Variants in ATF6 observed in about 807,000 individuals in gnomAD.
The protein encoded by ATF6 is cyclic AMP-dependent transcription factor ATF-6 alpha.
A neutral mutation model predicts 83.6 loss-of-function variants in ATF6; 53 were observed. The ratio of observed to expected loss-of-function variants is 0.63; its 90% CI spans 0.51 to 0.80. The LOEUF is 0.80. Among genes scored for constraint, ATF6 ranks in the 30% least tolerant of loss-of-function variants. ATF6 has a pLI of 0.00. For missense variants in ATF6, 744 were observed against 797.9 expected (o/e 0.93, Z 0.81); for synonymous variants, 288 against 285.8 (o/e 1.01, Z -0.08).
chr1:161,766,500 C>G lies in ATF6; in HGVS notation c.82+58C>G, dbSNP rs1571109121. ...TCGGGTTCGCGTCTAAAGGTTTCTTCCTCCCTACTTCCGCCCACTCGTGGT... is the reference window on the plus strand; with the variant it reads ...TCGGGTTCGCGTCTAAAGGTTTCTTGCTCCCTACTTCCGCCCACTCGTGGT... On this transcript the variant is annotated intron_variant, in intron 1 of 15. Transcript: ENST00000367942. 8 of 1,545,090 alleles carry G rather than the reference C, an allele frequency of 5.2e-6. No homozygotes were observed. The East Asian group carries it at 1.8e-4, about 35-fold the overall frequency.
intron 11 of ATF6, among the ~76,000 whole-genome samples, chr1:161,852,567 T>C (rs1686657116): frequency 6.6e-6 from 1 of 152,196 alleles, no homozygotes; most frequent in African/African-American, 2.4e-5. Context: ...TTTGTGTTTA[T>C]ATAGCCCAAG....
At chr1:161,887,425 A>T (rs938954758) in intron 14 of ATF6, among the ~76,000 whole-genome samples, 2 of 152,194 alleles carry the variant, frequency 1.3e-5, no homozygotes, top group Non-Finnish European at 2.9e-5. Flanking sequence ...TAAGCGGTAA[A>T]TAAAGCCCTT....
chr1:161,798,467 C>A (rs1170900881), intron 6 of ATF6, among the ~76,000 whole-genome samples: 4 of 152,106 alleles, frequency 2.6e-5, no homozygotes, highest in Non-Finnish European at 5.9e-5. Context: ...CATAAATTAG[C>A]CAGGCATGGT....
intron 9 of ATF6, among the ~76,000 whole-genome samples, chr1:161,823,101 A>G (rs929942204): frequency 6.6e-5 from 10 of 152,104 alleles, no homozygotes; most frequent in Admixed American, 5.2e-4. Flanking sequence ...GTTACCAAGG[A>G]TCCCAAATAA....
intron 10 of ATF6, among the ~76,000 whole-genome samples, chr1:161,851,141 TAC>T (rs35398462): frequency 1.1e-3 from 156 of 135,872 alleles, no homozygotes; most frequent in South Asian, 5.7e-3. Context: ...ATCCTTAACA[TAC>T]ACACACACAC....
chr1:161,918,117 A>G (rs1688138039), intron 15 of ATF6, among the ~76,000 whole-genome samples: 1 of 152,190 alleles, frequency 6.6e-6, no homozygotes, highest in South Asian at 2.1e-4. Context: ...ATAAGGTGGG[A>G]AAGATTCATT....
intron 15 of ATF6, among the ~76,000 whole-genome samples, chr1:161,943,007 C>T (rs1350881550): frequency 6.6e-6 from 1 of 152,204 alleles, no homozygotes; most frequent in Non-Finnish European, 1.5e-5. Context: ...AGGCATGCGC[C>T]GTGACACCCG....
chr1:161,881,090 T>A (rs1687316003), intron 14 of ATF6, among the ~76,000 whole-genome samples: 1 of 152,154 alleles, frequency 6.6e-6, no homozygotes. Flanking sequence ...CGATTTTTTA[T>A]TGAGTTATTT....
At chr1:161,843,978 G>A (rs1686417783) in intron 9 of ATF6, among the ~76,000 whole-genome samples, 1 of 152,154 alleles carries the variant, frequency 6.6e-6, no homozygotes, top group African/African-American at 2.4e-5. Context: ...AGTTGAGGTG[G>A]GATAGGAAGA....
intron 9 of ATF6, among the ~76,000 whole-genome samples, chr1:161,832,552 C>A (rs12032355): frequency 0.097 from 14,720 of 152,246 alleles, 1,272 homozygotes; most frequent in East Asian, 0.31. Context: ...GGGTCACTAC[C>A]ACCCTAATAC....
At chr1:161,915,126 A>T (rs553729795) in intron 15 of ATF6, among the ~76,000 whole-genome samples, 89 of 152,292 alleles carry the variant, frequency 5.8e-4, no homozygotes, top group Admixed American at 2.6e-3. Context: ...ACACTGAGAA[A>T]ATAGATGTCA....
At chr1:161,794,704 CTT>C (rs1185631134) in intron 6 of ATF6, among the ~76,000 whole-genome samples, 2 of 152,170 alleles carry the variant, frequency 1.3e-5, no homozygotes, top group Non-Finnish European at 2.9e-5. Context: ...TTTGAATTCT[CTT>C]GTTTTTCCTA....
intron 14 of ATF6, among the ~76,000 whole-genome samples, chr1:161,880,749 T>C (rs1051169324): frequency 5.3e-5 from 8 of 152,112 alleles, no homozygotes; most frequent in African/African-American, 1.7e-4. Context: ...TCACTTCCCT[T>C]GTGTAAATAC....
At chr1:161,943,709 C>A (rs889103780) in intron 15 of ATF6, among the ~76,000 whole-genome samples, 6 of 152,156 alleles carry the variant, frequency 3.9e-5, no homozygotes, top group Non-Finnish European at 5.9e-5. Context: ...TCTGCCAGGT[C>A]TCGAACAAAA....
At chr1:161,939,262 C>T (rs1288568737) in intron 15 of ATF6, among the ~76,000 whole-genome samples, 2 of 152,174 alleles carry the variant, frequency 1.3e-5, no homozygotes, top group Non-Finnish European at 2.9e-5. Flanking sequence ...TTCTCCCAAA[C>T]CCTATACATT....
intron 6 of ATF6, among the ~76,000 whole-genome samples, chr1:161,793,443 T>C (rs180788439): frequency 5.3e-3 from 803 of 152,346 alleles, no homozygotes; most frequent in Non-Finnish European, 9.2e-3. Context: ...GGTATTCTTG[T>C]GATTTATAAA....
At chr1:161,866,078 A>G (rs1295024624) in intron 14 of ATF6, among the ~76,000 whole-genome samples, 1 of 152,164 alleles carries the variant, frequency 6.6e-6, no homozygotes, top group African/African-American at 2.4e-5. Flanking sequence ...TAGGTTCTTA[A>G]TTTTATTGGC....
chr1:161,917,262 G>T (rs1402247814), intron 15 of ATF6, among the ~76,000 whole-genome samples: 1 of 152,096 alleles, frequency 6.6e-6, no homozygotes, highest in Non-Finnish European at 1.5e-5. Flanking sequence ...AAATGCATGG[G>T]ACCAGAATTA....
At chr1:161,903,087 G>A (rs537941748) in intron 14 of ATF6, among the ~76,000 whole-genome samples, 4 of 151,468 alleles carry the variant, frequency 2.6e-5, no homozygotes, top group Non-Finnish European at 4.4e-5. Context: ...ATTTAATTTA[G>A]TTTCTTCCAA....
Sources: gnomAD v4.1 joint callset for allele counts (sites outside exome capture counted in the v4.1 genomes callset) on GRCh38, gnomAD v4.1.1 for gene constraint, MANE v1.5 for transcripts, NCBI Gene and HGNC (gene_info 2026-07-23, HGNC 2026-07-21) for gene names.